PAH: variants seen among roughly 807,000 people sequenced by gnomAD.
PAH encodes phenylalanine-4-hydroxylase.
In PAH, 64 loss-of-function variants were observed where a neutral mutation model predicts 62.0. That is an observed-to-expected ratio of 1.03 (90% CI 0.84 to 1.27). The LOEUF is 1.27. PAH is among the 50% of genes most tolerant of loss of function. PAH has a pLI of 0.00. For missense variants in PAH, 579 were observed against 542.8 expected (o/e 1.07, Z -0.66); for synonymous variants, 195 against 196.2 (o/e 0.99, Z 0.05).
At chr12:102,953,429 C>T (rs562082884), upstream of PAH, 3 of 152,136 alleles carry the variant, frequency 2.0e-5, no homozygotes, top group Non-Finnish European at 4.4e-5. Flanking sequence ...TACAGAGAGA[C>T]AACACACAAT....
intron 12 of PAH, among the ~76,000 whole-genome samples, chr12:102,840,102 G>A (rs1565840714): frequency 6.6e-6 from 1 of 152,274 alleles, no homozygotes; most frequent in East Asian, 1.9e-4. Context: ...AGCGTAGAAG[G>A]GATGGAGAGG....
chr12:102,854,665 T>G (rs1592953986), intron 6 of PAH: 2 of 221,062 alleles, frequency 9.0e-6, no homozygotes, highest in South Asian at 7.5e-5. Context: ...CTGAGGCAGG[T>G]TTACTCAGCT....
chr12:102,855,084 C>T lies in PAH; in HGVS notation c.706+52G>A, dbSNP rs1041478862. 5.4e-6 allele frequency: 8 copies of T among 1,473,338 alleles called. No homozygotes were observed. The African/African-American group carries it at 9.7e-5, about 18-fold the overall frequency. 91.3% of individuals were successfully genotyped at this position (1,473,338 alleles called of 1,614,324 possible). A position where few individuals can be genotyped will look rare whatever the true frequency, so the allele number is the denominator to read the frequency against. On this transcript the variant is annotated intron_variant, in intron 6 of 12. Transcript: ENST00000553106. ...TGTCTTCCCCTTCCCTCTCCTCTGC[C>T]TCAATCCTCCCCCAACTTTCTGCAG...
At chr12:102,926,910 G>A (rs1363754010) in intron 1 of PAH, among the ~76,000 whole-genome samples, 2 of 148,464 alleles carry the variant, frequency 1.3e-5, no homozygotes, top group African/African-American at 5.0e-5. Context: ...GTAGCTTGAA[G>A]TCAGTCATAG....
At chr12:102,943,122 T>C (rs1162473241) in intron 1 of PAH, among the ~76,000 whole-genome samples, 1 of 151,704 alleles carries the variant, frequency 6.6e-6, no homozygotes, top group Non-Finnish European at 1.5e-5. Context: ...AAAGTATCAA[T>C]AGAGAAAAAA....
upstream of PAH, chr12:102,953,284 C>T (rs1443872032): frequency 6.6e-6 from 1 of 152,180 alleles, no homozygotes; most frequent in Non-Finnish European, 1.5e-5. Context: ...GATTCAGAAT[C>T]TAACTAAAGT....
Position 102,876,775 on chromosome 12 carries a change from C to T in PAH, c.441+687G>A, listed in dbSNP as rs188520912. ...AGAGGGAACGATGAAATATCCCCCA[C>T]CCCGGCCCTCTACTCAAAAACCATT... is the stretch of plus-strand genomic sequence containing the variant. On this transcript the variant is annotated intron_variant, in intron 4 of 12. Transcript: ENST00000553106. Among the ~76,000 whole-genome samples, 423 of 151,988 alleles carry T rather than the reference C, an allele frequency of 2.8e-3. 1 individual carries two copies. The highest frequency in any genetic ancestry group is 3.9e-3 in the Non-Finnish European group (268 of 67,958).
chr12:102,946,528 A>C (rs1879503249), intron 1 of PAH: 1 of 152,248 alleles, frequency 6.6e-6, no homozygotes, highest in African/African-American at 2.4e-5. Context: ...GTTGCTTTCC[A>C]CTATGGCAGG....
intron 8 of PAH, 155 bp from the exon 9 acceptor site, chr12:102,847,106 T>C (rs1874886659): frequency 1.5e-6 from 1 of 681,986 alleles, no homozygotes; most frequent in Admixed American, 2.1e-5. Flanking sequence ...CCTGCCCATA[T>C]GTTATAGAAT....
intron 1 of PAH, among the ~76,000 whole-genome samples, chr12:102,931,227 A>G (rs1878860546): frequency 6.6e-6 from 1 of 152,164 alleles, no homozygotes; most frequent in South Asian, 2.1e-4. Context: ...CTTTCCTTAA[A>G]TAGAGCCCCA....
intron 1 of PAH, among the ~76,000 whole-genome samples, chr12:102,938,854 A>G (rs1425732468): frequency 2.0e-5 from 3 of 152,178 alleles, no homozygotes; most frequent in Non-Finnish European, 4.4e-5. Flanking sequence ...TGCACTCAGC[A>G]GGGCCTCCCA....
intron 1 of PAH, among the ~76,000 whole-genome samples, chr12:102,931,297 A>G (rs1878863476): frequency 6.6e-6 from 1 of 152,178 alleles, no homozygotes; most frequent in Admixed American, 6.5e-5. Flanking sequence ...GAACTATGTG[A>G]GTCAGACAAA....
chr12:102,906,687 T>C (rs1877989311), intron 2 of PAH, among the ~76,000 whole-genome samples: 1 of 152,250 alleles, frequency 6.6e-6, no homozygotes, highest in African/African-American at 2.4e-5. Flanking sequence ...ATTTAATCTT[T>C]AGATCACATG....
rs2136705235 is a variant in PAH, at chr12:102,897,124, A to T, written c.169-2206T>A. 2.0e-5 allele frequency among the ~76,000 whole-genome samples: 3 copies of T among 152,300 alleles called. No individual in the cohort carries two copies. The Middle Eastern group carries it at 0.01, about 518-fold the overall frequency. On this transcript the variant is annotated intron_variant, in intron 2 of 12. Coordinates refer to ENST00000553106, the MANE Select transcript of PAH (RefSeq NM_000277.3). ...TAGGGGTCAAATTGTTTAATCAGAA[A>T]CTACCCTTTAAAGATTCTCTATATA...
chr12:102,889,977 GTAT>G (rs1877208903), intron 3 of PAH, among the ~76,000 whole-genome samples: 1 of 152,176 alleles, frequency 6.6e-6, no homozygotes, highest in Non-Finnish European at 1.5e-5. Flanking sequence ...TAGACCTCAA[GTAT>G]TCAAAAGACT....
In PAH at chr12:102,889,155, A is replaced by G. The variant is rs566855639; in HGVS notation, c.352+5580T>C. ...TGAAAAATCTTGTCTCCTAAAAATT[A>G]TGCATGCACACCCATGTATTATCTT... is the stretch of plus-strand genomic sequence containing the variant. On this transcript the variant is annotated intron_variant, in intron 3 of 12. Coordinates refer to ENST00000553106, the MANE Select transcript of PAH (RefSeq NM_000277.3). 7.9e-5 allele frequency among the ~76,000 whole-genome samples: 12 copies of G among 152,278 alleles called. No homozygotes were observed. The South Asian group carries it at 2.5e-3, about 32-fold the overall frequency.
At chr12:102,875,250 A>G (rs1210999990) in intron 4 of PAH, among the ~76,000 whole-genome samples, 1 of 152,198 alleles carries the variant, frequency 6.6e-6, no homozygotes, top group African/African-American at 2.4e-5. Flanking sequence ...TTAAAAACCA[A>G]TGCATTCCAG....
At chr12:102,898,527 A>G (rs1248543727) in intron 2 of PAH, among the ~76,000 whole-genome samples, 1 of 152,256 alleles carries the variant, frequency 6.6e-6, no homozygotes, top group Non-Finnish European at 1.5e-5. Context: ...CTGAACTTGT[A>G]GTTGAAGAGG....
intron 1 of PAH, among the ~76,000 whole-genome samples, chr12:102,938,951 C>T (rs71466250): frequency 0.1 from 15,713 of 152,180 alleles, 1,018 homozygotes; most frequent in East Asian, 0.16. Flanking sequence ...AAACAACTAA[C>T]GGGCTCTCTG....
Sources: gnomAD v4.1 joint callset for allele counts (sites outside exome capture counted in the v4.1 genomes callset) on GRCh38, gnomAD v4.1.1 for gene constraint, MANE v1.5 for transcripts, NCBI Gene and HGNC (gene_info 2026-07-23, HGNC 2026-07-21) for gene names.